The following LINGO2 variants were observed in gnomAD, a reference collection of about 807,000 sequenced individuals.
The protein encoded by LINGO2 is leucine rich repeat and Ig domain containing 2.
Under a neutral mutation model 30.6 loss-of-function variants are expected in LINGO2, and 14 were observed. The observed-to-expected ratio is 0.46, with a 90% CI of 0.30 to 0.72. The LOEUF is 0.72. Among genes scored for constraint, LINGO2 ranks in the 30% least tolerant of loss-of-function variants. LINGO2 has a pLI of 0.07. For missense variants in LINGO2, 729 were observed against 751.7 expected (o/e 0.97, Z 0.35); for synonymous variants, 317 against 288.5 (o/e 1.10, Z -1.00).
chr9:29,142,708 G>A, the LINGO2 span, among the ~76,000 whole-genome samples: 3 of 151,776 alleles, frequency 2.0e-5, no homozygotes, highest in Non-Finnish European at 4.4e-5. Context: ...GTAAGCAACT[G>A]GAAACATTTC....
Position 28,350,742 on chromosome 9 carries a change from C to G in LINGO2, c.-246+22094G>C, listed in dbSNP as rs372562227. 2.3e-4 allele frequency among the ~76,000 whole-genome samples: 34 copies of G among 150,768 alleles called. No homozygotes were observed. The Middle Eastern group carries it at 0.01, about 47-fold the overall frequency. ...CACCTATTCCAAAATTGACCACATA[C>G]TTGGAAGTAAAGCTCTCCTCAGCAA... On this transcript the variant is annotated intron_variant, in intron 3 of 5. Transcript: ENST00000379992.
chr9:28,429,665 A>G (rs770284646), intron 2 of LINGO2, among the ~76,000 whole-genome samples: 8 of 152,152 alleles, frequency 5.3e-5, no homozygotes, highest in Non-Finnish European at 1.2e-4. Flanking sequence ...GGCAGTAAAA[A>G]TAGTCTTCAA....
intron 2 of LINGO2, among the ~76,000 whole-genome samples, chr9:28,389,952 CATGCTTCCTTTTCT>C (rs1821757420): frequency 6.6e-6 from 1 of 152,112 alleles, no homozygotes; most frequent in South Asian, 2.1e-4. Context: ...TCCAACATTC[CATGCTTCCTTTTCT>C]TGATGTCTGG....
At chr9:28,312,532 A>G (rs1824669966) in intron 3 of LINGO2, among the ~76,000 whole-genome samples, 2 of 152,316 alleles carry the variant, frequency 1.3e-5, no homozygotes, top group South Asian at 4.1e-4. Context: ...GATTTCAGTC[A>G]TAAATATCAA....
At chr9:28,485,088 C>A (rs976830944) in intron 1 of LINGO2, among the ~76,000 whole-genome samples, 1 of 152,030 alleles carries the variant, frequency 6.6e-6, no homozygotes, top group Non-Finnish European at 1.5e-5. Flanking sequence ...CCATGTAAAC[C>A]ATAATATTTC....
At chr9:29,142,316 G>A in the LINGO2 span, among the ~76,000 whole-genome samples, 1 of 151,818 alleles carries the variant, frequency 6.6e-6, no homozygotes, top group African/African-American at 2.4e-5. Flanking sequence ...CACAGGTTAT[G>A]AGGAAACAGC....
chr9:28,228,117 A>G (rs1347161286), intron 4 of LINGO2, among the ~76,000 whole-genome samples: 1 of 152,070 alleles, frequency 6.6e-6, no homozygotes, highest in Non-Finnish European at 1.5e-5. Flanking sequence ...CTTTGAAAAA[A>G]GATGAATCCT....
the LINGO2 span, among the ~76,000 whole-genome samples, chr9:29,041,910 A>G: frequency 6.6e-6 from 1 of 151,996 alleles, no homozygotes; most frequent in Non-Finnish European, 1.5e-5. Flanking sequence ...TCTGACAAAG[A>G]ACTGGTGTTA....
At chr9:28,521,470 TG>T (rs1301229235) in intron 1 of LINGO2, among the ~76,000 whole-genome samples, 1 of 152,150 alleles carries the variant, frequency 6.6e-6, no homozygotes, top group Admixed American at 6.5e-5. Flanking sequence ...TTGTGCATGA[TG>T]TGTCCAAATC....
rs1057512991 is a variant in LINGO2, at chr9:28,496,571, C to T, written c.-364-20546G>A. Reference sequence around the variant, plus strand: ...GTGTGTCTCTGCATGTGAGATGGGTCTCCTGAATATAGCACACTGATGGGT... The same window carrying T: ...GTGTGTCTCTGCATGTGAGATGGGTTTCCTGAATATAGCACACTGATGGGT... On this transcript the variant is annotated intron_variant, in intron 1 of 5. Coordinates refer to ENST00000379992, the Ensembl canonical transcript of LINGO2. Among the ~76,000 whole-genome samples the T allele has an allele frequency of 1.8e-3, 266 of 151,820 alleles. 1 individual carries two copies. Among genetic ancestry groups the T allele is most frequent in the Non-Finnish European group, 2.3e-3 (155 of 68,018 alleles).
At chr9:28,663,657 T>G (rs978128552) in intron 1 of LINGO2, among the ~76,000 whole-genome samples, 3 of 152,216 alleles carry the variant, frequency 2.0e-5, no homozygotes, top group African/African-American at 7.2e-5. Flanking sequence ...GTATTAATAA[T>G]ATTTTAATAT....
chr9:28,095,937 C>G (rs1826231002), intron 4 of LINGO2, among the ~76,000 whole-genome samples: 1 of 152,108 alleles, frequency 6.6e-6, no homozygotes, highest in South Asian at 2.1e-4. Context: ...GACATTTATT[C>G]AAGATCAGCC....
At chr9:28,364,207 G>A (rs756640370) in intron 3 of LINGO2, among the ~76,000 whole-genome samples, 1 of 152,100 alleles carries the variant, frequency 6.6e-6, no homozygotes, top group African/African-American at 2.4e-5. Context: ...ATAACAGTTT[G>A]GTCTATGAGT....
chr9:28,388,641 G>A (rs967374190), intron 2 of LINGO2, among the ~76,000 whole-genome samples: 2 of 151,896 alleles, frequency 1.3e-5, no homozygotes, highest in Non-Finnish European at 2.9e-5. Context: ...TATGTCCCTC[G>A]TTATTAATGA....
intron 3 of LINGO2, among the ~76,000 whole-genome samples, chr9:28,348,398 G>A (rs1032687096): frequency 6.6e-6 from 1 of 152,124 alleles, no homozygotes. Context: ...GACTGCACCT[G>A]GAAAATCGGG....
At chr9:28,198,417 T>A (rs1564035546) in intron 4 of LINGO2, among the ~76,000 whole-genome samples, 1 of 152,182 alleles carries the variant, frequency 6.6e-6, no homozygotes, top group Non-Finnish European at 1.5e-5. Flanking sequence ...AGAGTTTGTG[T>A]CAAGGGAGAA....
intron 1 of LINGO2, among the ~76,000 whole-genome samples, chr9:28,557,626 A>T (rs976032581): frequency 1.3e-5 from 2 of 151,802 alleles, no homozygotes; most frequent in African/African-American, 4.8e-5. Flanking sequence ...ATACCATTTG[A>T]CCCAGCCATC....
the LINGO2 span, among the ~76,000 whole-genome samples, chr9:29,101,638 T>A: frequency 6.6e-6 from 1 of 152,168 alleles, no homozygotes; most frequent in Admixed American, 6.5e-5. Flanking sequence ...TATTTTTACC[T>A]CCCACAGATA....
intron 1 of LINGO2, among the ~76,000 whole-genome samples, chr9:28,532,851 C>A (rs1386083986): frequency 6.6e-6 from 1 of 152,042 alleles, no homozygotes; most frequent in Non-Finnish European, 1.5e-5. Flanking sequence ...TTCTATTATA[C>A]ATTTCTAATT....
Sources: gnomAD v4.1 joint callset for allele counts (sites outside exome capture counted in the v4.1 genomes callset) on GRCh38, gnomAD v4.1.1 for gene constraint, MANE v1.5 for transcripts, NCBI Gene and HGNC (gene_info 2026-07-23, HGNC 2026-07-21) for gene names.